Variants in CABCOCO1 observed in about 807,000 individuals in gnomAD.
CABCOCO1 encodes the protein ciliary-associated calcium-binding coiled-coil protein 1.
CABCOCO1 carries 28 observed loss-of-function variants against 35.7 expected under a neutral mutation model. That is an observed-to-expected ratio of 0.78 (90% CI 0.58 to 1.07). The LOEUF is 1.07. CABCOCO1 is among the 50% of genes least tolerant of loss of function. The pLI, the probability that CABCOCO1 is intolerant of heterozygous loss-of-function variation, is 0.00. For synonymous variants in CABCOCO1, 95 were observed against 100.1 expected, an observed-to-expected ratio of 0.95 and a Z score of 0.30; for missense variants, 326 against 309.2, an observed-to-expected ratio of 1.05 and a Z score of -0.41.
rs1172875403 is a variant in CABCOCO1, at chr10:61,662,981, G to A, written c.9G>A (p.Gln3=). 7.6e-6 allele frequency: 3 copies of A among 394,282 alleles called. No individual in the cohort carries two copies. Among genetic ancestry groups the A allele is most frequent in the Non-Finnish European group, 1.6e-5 (3 of 188,432 alleles). 24.4% of individuals were successfully genotyped at this position (394,282 alleles called of 1,614,324 possible). Residue 3 remains glutamine, a synonymous_variant, in exon 1 of 8, where the codon CAG becomes CAA. Transcript: ENST00000648843. The part of the protein sequence containing the change: MS[Q]GTTPWGPTPA... ...CGGCCGAGATTGCGGCGATGTCGCAGGGGACGACTCCCTGGGGGCCGACCC... is the reference window on the plus strand; with the variant it reads ...CGGCCGAGATTGCGGCGATGTCGCAAGGGACGACTCCCTGGGGGCCGACCC...
At position 61,761,007 on chromosome 10, in the gene CABCOCO1, C is replaced by T; in HGVS notation, c.816+4C>T. On this transcript the variant is annotated splice_donor_region_variant and intron_variant, in intron 7 of 7. Coordinates refer to ENST00000648843, the MANE Select transcript of CABCOCO1 (RefSeq NM_001366906.2). Reference sequence around the variant, plus strand: ...TGACATTTTAATCGGCATTCAGGTACTCAGTATTGATAGTATGCTCACTTA... The same window carrying T: ...TGACATTTTAATCGGCATTCAGGTATTCAGTATTGATAGTATGCTCACTTA... 6.2e-7 allele frequency: 1 copy of T among 1,611,474 alleles called. No individual in the cohort carries two copies. The highest frequency in any genetic ancestry group is 8.5e-7 in the Non-Finnish European group (1 of 1,178,696).
chr10:61,739,753 T>C (rs1841507397), intron 5 of CABCOCO1, among the ~76,000 whole-genome samples: 1 of 152,036 alleles, frequency 6.6e-6, no homozygotes, highest in Non-Finnish European at 1.5e-5. Context: ...CCATCCTTGC[T>C]AACACAGTGA....
At chr10:61,699,356 A>C (rs1050309127) in intron 5 of CABCOCO1, among the ~76,000 whole-genome samples, 9 of 152,178 alleles carry the variant, frequency 5.9e-5, no homozygotes, top group African/African-American at 9.6e-5. Flanking sequence ...AAAATAACTG[A>C]TAAATGGCAG....
chr10:61,682,362 A>T (rs1046193049), intron 3 of CABCOCO1, among the ~76,000 whole-genome samples: 49 of 152,136 alleles, frequency 3.2e-4, no homozygotes, highest in Non-Finnish European at 6.2e-4. Flanking sequence ...ATTTTTTTTA[A>T]AAATCCCTCC....
At chr10:61,690,455 T>C (rs1840101574) in intron 4 of CABCOCO1, 94 bp from the exon 5 acceptor site, 1 of 761,844 alleles carries the variant, frequency 1.3e-6, no homozygotes, top group Non-Finnish European at 2.2e-6. Context: ...ATTAGTTTGG[T>C]CAATATGAAG....
intron 1 of CABCOCO1, among the ~76,000 whole-genome samples, chr10:61,670,935 G>A (rs982176706): frequency 9.9e-5 from 15 of 152,050 alleles, no homozygotes; most frequent in Non-Finnish European, 1.5e-4. Flanking sequence ...TTTCTTTCTC[G>A]CTATTAGTAT....
intron 5 of CABCOCO1, among the ~76,000 whole-genome samples, chr10:61,737,106 G>T (rs1028659885): frequency 6.6e-6 from 1 of 152,066 alleles, no homozygotes; most frequent in Non-Finnish European, 1.5e-5. Context: ...AGCTAGTTTG[G>T]CTTCCTCTCT....
intron 2 of CABCOCO1, among the ~76,000 whole-genome samples, chr10:61,680,493 T>A (rs1264579689): frequency 3.1e-4 from 43 of 137,192 alleles, no homozygotes; most frequent in Admixed American, 1.1e-3. Context: ...TATAACATAT[T>A]ATATGTTATA....
chr10:61,730,115 A>G (rs920617599), intron 5 of CABCOCO1, among the ~76,000 whole-genome samples: 15 of 152,052 alleles, frequency 9.9e-5, no homozygotes, highest in Non-Finnish European at 1.6e-4. Flanking sequence ...ACCCAAAACA[A>G]AACAATGAGC....
At chr10:61,673,926 T>G (rs892359658) in intron 2 of CABCOCO1, among the ~76,000 whole-genome samples, 1 of 152,244 alleles carries the variant, frequency 6.6e-6, no homozygotes, top group East Asian at 1.9e-4. Flanking sequence ...CATGTCTTTA[T>G]GTAAAATGTT....
intron 5 of CABCOCO1, among the ~76,000 whole-genome samples, chr10:61,751,761 C>T (rs577458964): frequency 8.1e-4 from 123 of 152,248 alleles, no homozygotes; most frequent in African/African-American, 2.8e-3. Flanking sequence ...GGACTAGAGA[C>T]GACCTAGTCC....
chr10:61,731,281 A>C (rs1167084327), intron 5 of CABCOCO1, among the ~76,000 whole-genome samples: 1 of 151,894 alleles, frequency 6.6e-6, no homozygotes, highest in East Asian at 1.9e-4. Flanking sequence ...AAAAAGTAAA[A>C]CAAACAGAAT....
intron 5 of CABCOCO1, among the ~76,000 whole-genome samples, chr10:61,703,353 A>C (rs1266852430): frequency 6.6e-6 from 1 of 151,854 alleles, no homozygotes; most frequent in Non-Finnish European, 1.5e-5. Flanking sequence ...CAGTAACTTA[A>C]ATAATAAGGG....
rs1839963348 is a variant in CABCOCO1 at position 61,686,332 on chromosome 10, A to G, written c.479+147A>G. On this transcript the variant is annotated intron_variant, in intron 4 of 7. Transcript: ENST00000648843. Reference sequence around the variant, plus strand: ...GCCCAATCAATAATTAGGTACTTAAATCTTCTTTAAATTAAGTGTTCAAAT... The same window carrying G: ...GCCCAATCAATAATTAGGTACTTAAGTCTTCTTTAAATTAAGTGTTCAAAT... The G allele has an allele frequency of 4.9e-6, 3 of 616,422 alleles. No individual in the cohort carries two copies. In the South Asian group the frequency reaches 8.4e-5, roughly 17 times the overall value. The allele number at this position is 616,422 out of a possible 1,614,324, so 38.2% of individuals were successfully genotyped here. A position where few individuals can be genotyped will look rare whatever the true frequency, so the allele number is the denominator to read the frequency against.
intron 7 of CABCOCO1, among the ~76,000 whole-genome samples, chr10:61,764,340 A>T (rs560505765): frequency 2.6e-5 from 4 of 152,272 alleles, no homozygotes; most frequent in East Asian, 1.9e-4. Context: ...AATTTATTTT[A>T]ATAAGGCAGG....
intron 2 of CABCOCO1, among the ~76,000 whole-genome samples, chr10:61,674,804 A>C (rs574300556): frequency 6.6e-6 from 1 of 152,296 alleles, no homozygotes; most frequent in South Asian, 2.1e-4. Context: ...GTCTGGGTAC[A>C]TTTCTCATGA....
At chr10:61,665,662 C>A (rs907823463) in intron 1 of CABCOCO1, among the ~76,000 whole-genome samples, 1 of 151,688 alleles carries the variant, frequency 6.6e-6, no homozygotes, top group East Asian at 1.9e-4. Flanking sequence ...CCGAGGCGGG[C>A]GGATCACGAG....
At chr10:61,751,322 A>G (rs1841779714) in intron 5 of CABCOCO1, among the ~76,000 whole-genome samples, 1 of 148,798 alleles carries the variant, frequency 6.7e-6, no homozygotes, top group South Asian at 2.1e-4. Context: ...CTGGAGCTCG[A>G]GATCTGTGAA....
chr10:61,759,865 C>G (rs1036092234), intron 5 of CABCOCO1, among the ~76,000 whole-genome samples, 194 bp from the exon 6 acceptor site: 1 of 151,968 alleles, frequency 6.6e-6, no homozygotes, highest in Non-Finnish European at 1.5e-5. Context: ...AGTGGGAAAA[C>G]AAAGTGTTAA....
Sources: gnomAD v4.1 joint callset for allele counts (sites outside exome capture counted in the v4.1 genomes callset) on GRCh38, gnomAD v4.1.1 for gene constraint, MANE v1.5 for transcripts, NCBI Gene and HGNC (gene_info 2026-07-23, HGNC 2026-07-21) for gene names.